The following SORCS3 variants were observed in gnomAD, a reference collection of about 807,000 sequenced individuals.
The protein encoded by SORCS3 is VPS10 domain-containing receptor SorCS3.
In SORCS3, 57 loss-of-function variants were observed where a neutral mutation model predicts 146.3. The ratio of observed to expected loss-of-function variants is 0.39; its 90% confidence interval spans 0.31 to 0.49. The LOEUF (loss-of-function observed/expected upper bound fraction) is 0.49. SORCS3 is among the 20% of genes least tolerant of loss of function. SORCS3 has a pLI of 0.92. For missense variants in SORCS3, 1,341 were observed against 1,575.5 expected, an observed-to-expected ratio of 0.85 and a Z score of 2.52; for synonymous variants, 653 against 618.5, an observed-to-expected ratio of 1.06 and a Z score of -0.83.
intron 16 of SORCS3, among the ~76,000 whole-genome samples, chr10:105,204,334 T>C (rs899089198): frequency 2.0e-5 from 3 of 152,196 alleles, no homozygotes; most frequent in Non-Finnish European, 2.9e-5. Context: ...AAACAAGTCT[T>C]TATTATTTTA....
At chr10:105,112,348 T>G (rs11192320) in intron 7 of SORCS3, among the ~76,000 whole-genome samples, 29,276 of 152,106 alleles carry the variant, frequency 0.19, 3,030 homozygotes, top group Admixed American at 0.24. Flanking sequence ...ATTGAAATGA[T>G]GATTAGGACG....
chr10:104,757,810 G>A (rs1458894755), intron 1 of SORCS3, among the ~76,000 whole-genome samples: 1 of 151,916 alleles, frequency 6.6e-6, no homozygotes, highest in Non-Finnish European at 1.5e-5. Context: ...AAGTTTCACA[G>A]CACAGGTGTG....
chr10:104,686,168 A>T (rs2016041027), intron 1 of SORCS3, among the ~76,000 whole-genome samples: 2 of 152,062 alleles, frequency 1.3e-5, no homozygotes, highest in South Asian at 4.2e-4. Flanking sequence ...CGGTGGGAGA[A>T]GGTCAGGTTG....
chr10:105,263,722 A>C lies in SORCS3; in HGVS notation c.*348A>C, dbSNP rs539267636. The C allele has an allele frequency of 1.1e-3, 270 of 250,174 alleles. No individual in the cohort carries two copies. Among genetic ancestry groups the C allele is most frequent in the Non-Finnish European group, 1.8e-3 (234 of 126,878 alleles). The allele number at this position is 250,174 out of a possible 1,614,324, so 15.5% of individuals were successfully genotyped here. On this transcript the variant is annotated 3_prime_UTR_variant, in exon 27 of 27. Transcript: ENST00000369701. Reference sequence around the variant, plus strand: ...GGCTCTTTGTGAACCTCTCATCCCCACAGCAGAATCACCAACACTCTCCGC... The same window carrying C: ...GGCTCTTTGTGAACCTCTCATCCCCCCAGCAGAATCACCAACACTCTCCGC...
intron 1 of SORCS3, among the ~76,000 whole-genome samples, chr10:104,761,120 C>T (rs911956561): frequency 1.3e-5 from 2 of 152,128 alleles, no homozygotes; most frequent in African/African-American, 4.8e-5. Context: ...CTTTGATCTT[C>T]AAAAGCCTTA....
At chr10:105,095,095 C>T (rs191764059) in intron 6 of SORCS3, among the ~76,000 whole-genome samples, 49 of 152,244 alleles carry the variant, frequency 3.2e-4, no homozygotes, top group Non-Finnish European at 6.6e-4. Context: ...CTTCACCTTC[C>T]GTTCTACCTG....
chr10:105,190,195 G>T (rs2056507287), intron 14 of SORCS3, among the ~76,000 whole-genome samples: 2 of 152,188 alleles, frequency 1.3e-5, no homozygotes, highest in Non-Finnish European at 1.5e-5. Context: ...GCTGAGAATT[G>T]TTTTAGAATG....
In SORCS3 at chr10:104,811,771, CA is replaced by C; in HGVS notation, c.628-31020del. Among the ~76,000 whole-genome samples, 3 of 152,282 alleles carry C rather than the reference CA, an allele frequency of 2.0e-5. No homozygotes were observed. The South Asian group carries it at 6.2e-4, about 32-fold the overall frequency. ...ATGATGGTGGCAGCCAGATAGCAGACAGCCTTACATTCTCGGCTGAAGGCTA... is the reference window on the plus strand; with the variant it reads ...ATGATGGTGGCAGCCAGATAGCAGACGCCTTACATTCTCGGCTGAAGGCTA... On this transcript the variant is annotated intron_variant, in intron 1 of 26. Coordinates refer to ENST00000369701, the MANE Select transcript of SORCS3 (RefSeq NM_014978.3).
At chr10:104,781,150 G>C (rs576723956) in intron 1 of SORCS3, among the ~76,000 whole-genome samples, 30 of 152,298 alleles carry the variant, frequency 2.0e-4, no homozygotes, top group African/African-American at 6.7e-4. Context: ...TCTGACATCT[G>C]CAGAACGCTT....
At chr10:105,008,859 C>G (rs1283032758) in intron 4 of SORCS3, among the ~76,000 whole-genome samples, 1 of 152,134 alleles carries the variant, frequency 6.6e-6, no homozygotes, top group Non-Finnish European at 1.5e-5. Flanking sequence ...GTTTCCCAGG[C>G]TGGTCTTAAA....
intron 14 of SORCS3, among the ~76,000 whole-genome samples, chr10:105,179,688 G>A (rs531982341): frequency 1.3e-5 from 2 of 152,312 alleles, no homozygotes; most frequent in African/African-American, 4.8e-5. Context: ...ACAAGCCCTG[G>A]AAGGGTTGCC....
rs1000280366 is a variant in SORCS3 at position 104,722,863 on chromosome 10, C to T, written c.627+80909C>T. Among the ~76,000 whole-genome samples the T allele has an allele frequency of 6.5e-4, 99 of 152,118 alleles. 1 individual carries two copies. The highest frequency in any genetic ancestry group is 2.4e-3 in the African/African-American group (99 of 41,480). On this transcript the variant is annotated intron_variant, in intron 1 of 26. Coordinates refer to ENST00000369701, the MANE Select transcript of SORCS3 (RefSeq NM_014978.3). ...TTTTTATTGCGTCTATTTGATTCTT[C>T]TCTCTTTTCTTCTTTATTAGTCTTG...
intron 2 of SORCS3, among the ~76,000 whole-genome samples, chr10:104,905,314 T>C (rs1227357934): frequency 6.6e-6 from 1 of 152,200 alleles, no homozygotes; most frequent in Non-Finnish European, 1.5e-5. Context: ...AATTCACTCC[T>C]TGGAAACTGG....
In SORCS3 at chr10:104,914,574, T is replaced by C. The variant is rs1415129189; in HGVS notation, c.696-1259T>C. Among the ~76,000 whole-genome samples the C allele has an allele frequency of 2.6e-5, 4 of 152,142 alleles. No homozygotes were observed. In the East Asian group the frequency reaches 7.7e-4, roughly 29 times the overall value. On this transcript the variant is annotated intron_variant, in intron 2 of 26. Transcript: ENST00000369701. ...TTTGAGGCACAAGCCATCGGGCTGA[T>C]GTGATGCTATGATTGTGCCACTACA...
At chr10:105,134,451 G>A (rs2056044103) in intron 7 of SORCS3, among the ~76,000 whole-genome samples, 1 of 151,686 alleles carries the variant, frequency 6.6e-6, no homozygotes, top group African/African-American at 2.4e-5. Context: ...CCAAGATTAA[G>A]GCACCAGCAT....
intron 1 of SORCS3, among the ~76,000 whole-genome samples, chr10:104,791,268 G>A (rs1211681994): frequency 6.6e-6 from 1 of 152,222 alleles, no homozygotes; most frequent in African/African-American, 2.4e-5. Context: ...CAGATGGCTG[G>A]AGGTGCTATG....
chr10:105,170,680 C>T (rs2056352496), intron 13 of SORCS3, among the ~76,000 whole-genome samples: 1 of 152,132 alleles, frequency 6.6e-6, no homozygotes, highest in Non-Finnish European at 1.5e-5. Flanking sequence ...AGCAATCCCT[C>T]GAAGGGGTTA....
chr10:105,201,179 G>T lies in SORCS3; in HGVS notation c.2187G>T (p.Gln729His). ...KIFKKRKPGA[Q>H]CALGRDHSGS... Reference sequence around the variant, plus strand: ...TCAAGAAACGTAAGCCAGGAGCTCAGTGTGCCCTGGGCCGAGACCACTCAG... The same window carrying T: ...TCAAGAAACGTAAGCCAGGAGCTCATTGTGCCCTGGGCCGAGACCACTCAG... The change falls in exon 16 of 27, where the codon CAG (glutamine) becomes CAT (histidine). Residue 729 changes from glutamine to histidine, a missense_variant. Physicochemically the swap from Gln to His is conservative, Grantham distance 24 (BLOSUM62 0). Coordinates refer to ENST00000369701, the MANE Select transcript of SORCS3 (RefSeq NM_014978.3). The T allele has an allele frequency of 6.2e-7, 1 of 1,612,708 alleles. No individual in the cohort carries two copies. Among genetic ancestry groups the T allele is most frequent in the South Asian group, 1.1e-5 (1 of 90,626 alleles).
intron 4 of SORCS3, among the ~76,000 whole-genome samples, chr10:105,019,763 A>G (rs1046337701): frequency 2.0e-5 from 3 of 152,220 alleles, no homozygotes; most frequent in Admixed American, 1.3e-4. Context: ...AATTTGTCTT[A>G]TCATCATTGT....
Sources: allele counts gnomAD v4.1 joint callset (sites outside exome capture counted in the v4.1 genomes callset), GRCh38; gene constraint gnomAD v4.1.1; transcripts MANE v1.5; gene names NCBI Gene and HGNC (gene_info 2026-07-23, HGNC 2026-07-21).